CAP1: variants seen among roughly 807,000 people sequenced by gnomAD.
The protein encoded by CAP1 is adenylyl cyclase-associated protein 1.
A neutral mutation model predicts 58.2 loss-of-function variants in CAP1; 11 were observed. That is an observed-to-expected ratio of 0.19 (90% confidence interval 0.12 to 0.31). The LOEUF (loss-of-function observed/expected upper bound fraction) is 0.31, where lower values mean the gene tolerates loss of function less well. CAP1 is among the 10% of genes least tolerant of loss of function. The pLI is 1.00. For missense variants in CAP1, 423 were observed against 587.5 expected (o/e 0.72, Z 2.89); for synonymous variants, 183 against 213.8 (o/e 0.86, Z 1.26).
At chr1:40,051,395 TACAC>T (rs10561660) in intron 1 of CAP1, among the ~76,000 whole-genome samples, 18,985 of 150,942 alleles carry the variant, frequency 0.13, 1,344 homozygotes, top group East Asian at 0.23. Flanking sequence ...ATCACACACA[TACAC>T]ACACACACAC....
Position 40,064,469 on chromosome 1 carries a change from T to C in CAP1, c.439-5T>C, listed in dbSNP as rs1172267505. 1.2e-6 allele frequency: 2 copies of C among 1,613,412 alleles called. No homozygotes were observed. The highest frequency in any genetic ancestry group is 1.7e-6 in the Non-Finnish European group (2 of 1,179,448). On this transcript the variant is annotated splice_polypyrimidine_tract_variant and splice_region_variant and intron_variant, in intron 5 of 12. Coordinates refer to ENST00000372805, the MANE Select transcript of CAP1 (RefSeq NM_006367.4). The stretch of plus-strand genomic sequence containing the variant: ...CTGAGTCACTGACAGCTTGTCTCTC[T>C]CTAGGCTCCCAAGCCTGGCCCTTAT...
intron 8 of CAP1, 139 bp downstream of exon 8, chr1:40,067,856 G>A (rs1647170226): frequency 1.7e-6 from 1 of 575,610 alleles, no homozygotes; most frequent in South Asian, 2.4e-5. Flanking sequence ...TTTAAGGGAC[G>A]GCAAAGCTGG....
intron 2 of CAP1, among the ~76,000 whole-genome samples, chr1:40,059,759 C>T (rs1362294933): frequency 6.6e-6 from 1 of 152,152 alleles, no homozygotes; most frequent in African/African-American, 2.4e-5. Context: ...AAACAATTGG[C>T]AAATTGGACA....
intron 11 of CAP1, 98 bp from the exon 12 acceptor site, chr1:40,070,738 T>C: frequency 9.4e-7 from 1 of 1,061,996 alleles, no homozygotes; most frequent in Non-Finnish European, 1.4e-6. Context: ...GAGCTTTTCA[T>C]GTAGTTGCTG....
At chr1:40,060,452 C>T (rs1300435080) in intron 3 of CAP1, among the ~76,000 whole-genome samples, 1 of 152,120 alleles carries the variant, frequency 6.6e-6, no homozygotes, top group African/African-American at 2.4e-5. Flanking sequence ...AGAATATGCA[C>T]CAGTTTGATC....
intron 1 of CAP1, among the ~76,000 whole-genome samples, chr1:40,047,465 C>T (rs1002087772): frequency 1.3e-5 from 2 of 152,188 alleles, no homozygotes; most frequent in African/African-American, 4.8e-5. Flanking sequence ...CTCCAGAGGG[C>T]ATTGAAATTC....
At chr1:40,070,311 C>G (rs1364308122) in intron 10 of CAP1, 29 bp downstream of exon 10, 4 of 1,613,552 alleles carry the variant, frequency 2.5e-6, no homozygotes, top group Admixed American at 1.7e-5. Flanking sequence ...CCCACGCAAG[C>G]CCCGTCCCAG....
At position 40,051,165 on chromosome 1, in the gene CAP1, G is replaced by A. The variant is rs565843133; in HGVS notation, c.-10-8172G>A. 5.9e-5 allele frequency among the ~76,000 whole-genome samples: 9 copies of A among 152,260 alleles called. No homozygotes were observed. The East Asian group carries it at 7.7e-4, about 13-fold the overall frequency. ...GTAGTAATTTATGTAATTCAGAACC[G>A]TAGCAACAACATTCTGTGAAGAAAA... On this transcript the variant is annotated intron_variant, in intron 1 of 12. Coordinates refer to ENST00000372805, the MANE Select transcript of CAP1 (RefSeq NM_006367.4).
intron 1 of CAP1, among the ~76,000 whole-genome samples, chr1:40,046,457 C>T (rs549488915): frequency 7.4e-5 from 10 of 134,876 alleles, no homozygotes; most frequent in Non-Finnish European, 1.3e-4. Context: ...AGCAAGACTC[C>T]GTCTCAAAAA....
rs2124436680 is a variant in CAP1, at chr1:40,069,833, G to A, written c.952G>A (p.Glu318Lys). 1 of 1,601,534 alleles carries A rather than the reference G, an allele frequency of 6.2e-7. No individual in the cohort carries two copies. Among genetic ancestry groups the A allele is most frequent in the East Asian group, 2.2e-5 (1 of 44,696 alleles). Reference protein sequence around the residue: ...SPSPKRATKKEPAVLELEGKK... With the variant: ...SPSPKRATKKKPAVLELEGKK... ...ATCCCCCAAACGAGCCACAAAGAAG[G>A]AGCCAGCTGTACTTGAACTGGAGGG... The change falls in exon 9 of 13, where the codon GAG (glutamate) becomes AAG (lysine). Residue 318 changes from glutamate (E) to lysine (K), a missense_variant. Physicochemically the swap from Glu to Lys is moderately conservative, Grantham distance 56. Transcript: ENST00000372805.
chr1:40,066,019 G>A (rs1427403795), intron 6 of CAP1, among the ~76,000 whole-genome samples, 196 bp from the exon 7 acceptor site: 5 of 152,182 alleles, frequency 3.3e-5, no homozygotes, highest in East Asian at 3.9e-4. Context: ...CTATCTTAGT[G>A]GAGTTTGGTC....
intron 9 of CAP1, 116 bp downstream of exon 9, chr1:40,069,990 A>G: frequency 7.2e-7 from 1 of 1,386,750 alleles, no homozygotes; most frequent in Non-Finnish European, 9.7e-7. Context: ...GCTTACCGCA[A>G]CCTCCGCCTC....
At chr1:40,052,159 C>T (rs1406150795) in intron 1 of CAP1, among the ~76,000 whole-genome samples, 2 of 152,086 alleles carry the variant, frequency 1.3e-5, no homozygotes, top group Admixed American at 6.5e-5. Context: ...TATTCTAGTA[C>T]GTAATATGTA....
intron 1 of CAP1, among the ~76,000 whole-genome samples, chr1:40,043,133 T>C (rs1645917508): frequency 6.6e-6 from 1 of 152,176 alleles, no homozygotes; most frequent in South Asian, 2.1e-4. Flanking sequence ...TACTGGGGCC[T>C]GGAGTTTTGC....
upstream of CAP1, chr1:40,040,414 G>A (rs956274454): frequency 1.3e-5 from 2 of 152,394 alleles, no homozygotes; most frequent in Admixed American, 1.3e-4. Flanking sequence ...CCAGAGAGGA[G>A]CTTAGCCAGG....
intron 8 of CAP1, among the ~76,000 whole-genome samples, chr1:40,068,437 A>AT (rs1245268262): frequency 0.015 from 2,123 of 145,604 alleles, 52 homozygotes; most frequent in African/African-American, 0.048. Flanking sequence ...TGCCTGGCTA[A>AT]TTTTTTTTTT....
In CAP1 at chr1:40,064,223, C is replaced by G. The variant is rs377352973; in HGVS notation, c.295-4C>G. On this transcript the variant is annotated splice_polypyrimidine_tract_variant and splice_region_variant and intron_variant, in intron 4 of 12. Coordinates refer to ENST00000372805, the MANE Select transcript of CAP1 (RefSeq NM_006367.4). ...CCTGAATCTTTTCTTGTATCTTTTC[C>G]TAGAATAAGCTTTCCGATTTGTTGG... 28 of 1,613,504 alleles carry G rather than the reference C, an allele frequency of 1.7e-5. No homozygotes were observed. Among genetic ancestry groups the G allele is most frequent in the Non-Finnish European group, 2.4e-5 (28 of 1,179,682 alleles).
chr1:40,072,141 G>A lies in CAP1; in HGVS notation c.*608G>A. 2.5e-6 allele frequency: 1 copy of A among 398,644 alleles called. No homozygotes were observed. The highest frequency in any genetic ancestry group is 4.4e-6 in the Non-Finnish European group (1 of 226,314). 24.7% of individuals were successfully genotyped at this position (398,644 alleles called of 1,614,324 possible). ...CAACCGTGAGATAGGAGAGTCTCTG[G>A]TACTAGCTGCTGTAGCAGTGCCCTT... On this transcript the variant is annotated 3_prime_UTR_variant, in exon 13 of 13. Coordinates refer to ENST00000372805, the MANE Select transcript of CAP1 (RefSeq NM_006367.4).
chr1:40,060,745 C>T (rs1204527044), intron 3 of CAP1, among the ~76,000 whole-genome samples: 4 of 150,320 alleles, frequency 2.7e-5, no homozygotes, highest in Admixed American at 2.0e-4. Flanking sequence ...GCTAGCTCAC[C>T]GAATTATAAA....
Sources: gnomAD v4.1 joint callset for allele counts (sites outside exome capture counted in the v4.1 genomes callset) on GRCh38, gnomAD v4.1.1 for gene constraint, MANE v1.5 for transcripts, NCBI Gene and HGNC (gene_info 2026-07-23, HGNC 2026-07-21) for gene names.